Variants in SRPK2 observed in about 807,000 individuals in gnomAD.
SRPK2 encodes SRSF protein kinase 2, also known as SFRS protein kinase 2.
Under a neutral mutation model 90.8 loss-of-function variants are expected in SRPK2, and 21 were observed. The ratio of observed to expected loss-of-function variants is 0.23; its 90% CI spans 0.16 to 0.33. SRPK2 has a LOEUF of 0.33. Among genes scored for constraint, SRPK2 ranks in the 10% least tolerant of loss-of-function variants. The pLI is 1.00. For synonymous variants in SRPK2, 288 were observed against 311.1 expected, an observed-to-expected ratio of 0.93 and a Z score of 0.78; for missense variants, 620 against 869.0, an observed-to-expected ratio of 0.71 and a Z score of 3.60.
At chr7:105,161,185 A>G (rs1807589945) in intron 6 of SRPK2, among the ~76,000 whole-genome samples, 1 of 152,184 alleles carries the variant, frequency 6.6e-6, no homozygotes, top group Non-Finnish European at 1.5e-5. Flanking sequence ...TTGGGCTCCC[A>G]AAGTGCTGGG....
At chr7:105,133,574 T>G (rs1306796424) in intron 11 of SRPK2, among the ~76,000 whole-genome samples, 1 of 152,170 alleles carries the variant, frequency 6.6e-6, no homozygotes, top group Non-Finnish European at 1.5e-5. Flanking sequence ...CCACAAGACA[T>G]CAGGGTCCCT....
chr7:105,160,482 T>C (rs773836830), intron 7 of SRPK2, 25 bp downstream of exon 7: 1 of 1,441,390 alleles, frequency 6.9e-7, no homozygotes. Flanking sequence ...TACTAGGGCC[T>C]AGGGGCTGCC....
intron 2 of SRPK2, among the ~76,000 whole-genome samples, chr7:105,349,776 G>C (rs574910823): frequency 6.6e-6 from 1 of 151,902 alleles, no homozygotes; most frequent in East Asian, 1.9e-4. Context: ...GTCTCGCTCT[G>C]TCGCCAGGCT....
intron 2 of SRPK2, among the ~76,000 whole-genome samples, chr7:105,323,527 G>T (rs1476367157): frequency 6.6e-6 from 1 of 152,154 alleles, no homozygotes. Context: ...TATTACTTTT[G>T]CAAGGGCTGA....
chr7:105,133,167 A>G, intron 11 of SRPK2, 63 bp from the exon 12 acceptor site: 17 of 1,452,708 alleles, frequency 1.2e-5, no homozygotes, highest in Non-Finnish European at 1.5e-5. Context: ...GTGTGAGCAC[A>G]GTGTTTGCCA....
intron 2 of SRPK2, among the ~76,000 whole-genome samples, chr7:105,363,056 A>G (rs1172241148): frequency 6.6e-6 from 1 of 152,010 alleles, no homozygotes; most frequent in Non-Finnish European, 1.5e-5. Context: ...GGGAGAGGGG[A>G]GGGATAGCAT....
intron 2 of SRPK2, among the ~76,000 whole-genome samples, chr7:105,292,663 T>C (rs528739552): frequency 6.6e-6 from 1 of 152,318 alleles, no homozygotes; most frequent in African/African-American, 2.4e-5. Flanking sequence ...CGCTTTTTGC[T>C]TGCTATTGTT....
In SRPK2 at chr7:105,350,528, T is replaced by C. The variant is rs540597663; in HGVS notation, c.71+38120A>G. Among the ~76,000 whole-genome samples the C allele has an allele frequency of 4.3e-3, 439 of 103,278 alleles. 2 individuals are homozygous for C. The highest frequency in any genetic ancestry group is 0.013 in the African/African-American group (409 of 31,992). The allele number at this position is 103,278 out of a possible 152,430, so 67.8% of individuals were successfully genotyped here. A position where few individuals can be genotyped will look rare whatever the true frequency, so the allele number is the denominator to read the frequency against. On this transcript the variant is annotated intron_variant, in intron 2 of 15. Transcript: ENST00000393651. ...ACCCTGTGGTTGCTACAATTTTTTTTCTTTTTTTTTTTTTTTTGAGACGGA... is the reference window on the plus strand; with the variant it reads ...ACCCTGTGGTTGCTACAATTTTTTTCCTTTTTTTTTTTTTTTTGAGACGGA...
chr7:105,356,836 G>A (rs1388513558), intron 2 of SRPK2, among the ~76,000 whole-genome samples: 1 of 152,074 alleles, frequency 6.6e-6, no homozygotes, highest in Admixed American at 6.6e-5. Flanking sequence ...CTGGTCCTGT[G>A]GAAGATACAT....
At chr7:105,178,592 G>A (rs934800269) in intron 3 of SRPK2, among the ~76,000 whole-genome samples, 2 of 152,026 alleles carry the variant, frequency 1.3e-5, no homozygotes, top group African/African-American at 4.8e-5. Flanking sequence ...CATGAGGCAG[G>A]AGGATCACTT....
At chr7:105,393,459 CTTTTTTTTT>C (rs58162170), upstream of SRPK2, among the ~76,000 whole-genome samples, 3 of 81,212 alleles carry the variant, frequency 3.7e-5, no homozygotes, top group Non-Finnish European at 5.0e-5. Flanking sequence ...TCTGGTTTTT[CTTTTTTTTT>C]TTTTTTTTTT....
At chr7:105,263,947 G>A (rs777984511) in intron 2 of SRPK2, among the ~76,000 whole-genome samples, 1 of 152,188 alleles carries the variant, frequency 6.6e-6, no homozygotes, top group African/African-American at 2.4e-5. Context: ...TCTACAAGGA[G>A]AGAAAGAAAG....
intron 6 of SRPK2, among the ~76,000 whole-genome samples, chr7:105,164,597 T>C (rs1334729357): frequency 6.6e-6 from 1 of 152,238 alleles, no homozygotes; most frequent in Non-Finnish European, 1.5e-5. Context: ...AAAAGTGTCT[T>C]GAACTTGATG....
intron 2 of SRPK2, among the ~76,000 whole-genome samples, chr7:105,329,928 G>A (rs973553799): frequency 7.2e-5 from 11 of 151,812 alleles, no homozygotes; most frequent in African/African-American, 1.9e-4. Flanking sequence ...CCAGCTACTC[G>A]GGAGACTGAG....
At chr7:105,322,378 C>T (rs1223697342) in intron 2 of SRPK2, among the ~76,000 whole-genome samples, 2 of 152,280 alleles carry the variant, frequency 1.3e-5, no homozygotes, top group East Asian at 3.9e-4. Flanking sequence ...GATCGTGACA[C>T]GGCACTTCAG....
At chr7:105,243,931 C>T (rs561987403) in intron 2 of SRPK2, among the ~76,000 whole-genome samples, 68 of 152,278 alleles carry the variant, frequency 4.5e-4, no homozygotes, top group Non-Finnish European at 8.4e-4. Context: ...GAGAAACAGC[C>T]AAGGTAACTG....
intron 2 of SRPK2, among the ~76,000 whole-genome samples, chr7:105,287,362 T>C (rs1289881786): frequency 6.7e-6 from 1 of 149,590 alleles, no homozygotes; most frequent in Non-Finnish European, 1.5e-5. Context: ...GCTTGTAGAA[T>C]ACCCAGAATA....
chr7:105,227,073 T>C (rs1798805923), intron 2 of SRPK2, among the ~76,000 whole-genome samples: 1 of 152,186 alleles, frequency 6.6e-6, no homozygotes, highest in Non-Finnish European at 1.5e-5. Context: ...GCAGAGAGAA[T>C]GGGGACCATA....
At chr7:105,155,010 C>T (rs1451973094) in intron 7 of SRPK2, among the ~76,000 whole-genome samples, 3 of 148,954 alleles carry the variant, frequency 2.0e-5, no homozygotes, top group Non-Finnish European at 4.5e-5. Context: ...GTCAGAATTT[C>T]GCTATTGTCA....
Sources: gnomAD v4.1 joint callset for allele counts (sites outside exome capture counted in the v4.1 genomes callset) on GRCh38, gnomAD v4.1.1 for gene constraint, MANE v1.5 for transcripts, NCBI Gene and HGNC (gene_info 2026-07-23, HGNC 2026-07-21) for gene names.